The following NRXN3 variants were observed in gnomAD, a reference collection of about 807,000 sequenced individuals.
The protein encoded by NRXN3 is neurexin 3.
Under a neutral mutation model 137.6 loss-of-function variants are expected in NRXN3, and 32 were observed. The ratio of observed to expected loss-of-function variants is 0.23; its 90% CI spans 0.18 to 0.31. The LOEUF (loss-of-function observed/expected upper bound fraction) is 0.31. Among genes scored for constraint, NRXN3 ranks in the 10% least tolerant of loss-of-function variants. The pLI is 1.00. For missense variants in NRXN3, 1,574 were observed against 2,062.5 expected (o/e 0.76, Z 4.59); for synonymous variants, 798 against 784.5 (o/e 1.02, Z -0.29).
chr14:79,406,841 T>C (rs2095323841), intron 15 of NRXN3, among the ~76,000 whole-genome samples: 1 of 152,186 alleles, frequency 6.6e-6, no homozygotes, highest in African/African-American at 2.4e-5. Context: ...ATTTATGTTT[T>C]ATTTATAAGT....
chr14:79,837,290 A>AT (rs1218027317), intron 20 of NRXN3, among the ~76,000 whole-genome samples: 2 of 138,108 alleles, frequency 1.4e-5, no homozygotes, highest in Admixed American at 7.0e-5. Context: ...ACCTTAAGTC[A>AT]TTTTTTTTTA....
At chr14:78,397,963 G>A (rs760180298) in intron 4 of NRXN3, among the ~76,000 whole-genome samples, 11 of 150,262 alleles carry the variant, frequency 7.3e-5, no homozygotes, top group South Asian at 2.1e-4. Context: ...GCCTGTAATC[G>A]CAGCACTTTG....
intron 2 of NRXN3, among the ~76,000 whole-genome samples, chr14:78,260,698 C>G (rs1187845718): frequency 6.6e-6 from 1 of 152,158 alleles, no homozygotes; most frequent in Non-Finnish European, 1.5e-5. Context: ...GATCTCTTCT[C>G]TTGTCTGCTG....
At chr14:79,303,482 A>G (rs753837652) in intron 15 of NRXN3, among the ~76,000 whole-genome samples, 4 of 152,076 alleles carry the variant, frequency 2.6e-5, no homozygotes. Flanking sequence ...GGAATGGGGA[A>G]TGCCTTCTTT....
intron 8 of NRXN3, among the ~76,000 whole-genome samples, chr14:78,798,224 C>T (rs2098828023): frequency 6.6e-6 from 1 of 152,150 alleles, no homozygotes; most frequent in South Asian, 2.1e-4. Flanking sequence ...TAGTTACTTC[C>T]TAAATATATT....
At chr14:79,474,346 A>C (rs977564092) in intron 16 of NRXN3, among the ~76,000 whole-genome samples, 1 of 152,216 alleles carries the variant, frequency 6.6e-6, no homozygotes, top group African/African-American at 2.4e-5. Context: ...GGTGCTGTAG[A>C]GGTGATGACT....
intron 15 of NRXN3, chr14:79,314,189 C>T (rs1408967102): frequency 5.6e-5 from 8 of 143,628 alleles, no homozygotes; most frequent in African/African-American, 7.9e-5. Context: ...AGACAGTGGG[C>T]GCAGGCCAGT....
At chr14:78,940,514 A>G (rs1019197000) in intron 10 of NRXN3, among the ~76,000 whole-genome samples, 1 of 152,226 alleles carries the variant, frequency 6.6e-6, no homozygotes, top group East Asian at 1.9e-4. Context: ...GGATCAAAAT[A>G]TATTTCTCCT....
At chr14:78,775,887 T>C (rs1050224100) in intron 8 of NRXN3, among the ~76,000 whole-genome samples, 3 of 152,322 alleles carry the variant, frequency 2.0e-5, no homozygotes, top group East Asian at 1.9e-4. Flanking sequence ...AATAAACAAC[T>C]TATAAGTTTT....
intron 17 of NRXN3, among the ~76,000 whole-genome samples, chr14:79,688,446 G>A (rs748732007): frequency 6.6e-6 from 1 of 152,076 alleles, no homozygotes. Context: ...AAGTGTAAGC[G>A]CAGTGTTGTA....
chr14:79,037,884 G>GTTT (rs1568071968), intron 15 of NRXN3, among the ~76,000 whole-genome samples: 1 of 152,134 alleles, frequency 6.6e-6, no homozygotes, highest in African/African-American at 2.4e-5. Flanking sequence ...GGTACGGGCT[G>GTTT]TGGTGACAGG....
At chr14:78,583,295 A>G (rs1300477233) in intron 4 of NRXN3, among the ~76,000 whole-genome samples, 1 of 152,182 alleles carries the variant, frequency 6.6e-6, no homozygotes, top group Non-Finnish European at 1.5e-5. Context: ...CCACTAAAAT[A>G]TTAAATGTGA....
At chr14:79,036,498 CA>C (rs2099616229) in intron 15 of NRXN3, among the ~76,000 whole-genome samples, 2 of 148,658 alleles carry the variant, frequency 1.3e-5, no homozygotes, top group African/African-American at 5.0e-5. Flanking sequence ...GTGACAAAAA[CA>C]AAACAACAAC....
intron 15 of NRXN3, among the ~76,000 whole-genome samples, chr14:79,145,889 A>C (rs1226865723): frequency 1.3e-5 from 2 of 152,178 alleles, no homozygotes; most frequent in Non-Finnish European, 2.9e-5. Context: ...TCATGGTTCT[A>C]GTTACCTCTA....
At chr14:79,144,604 G>A (rs2059121230) in intron 15 of NRXN3, among the ~76,000 whole-genome samples, 1 of 152,062 alleles carries the variant, frequency 6.6e-6, no homozygotes, top group Non-Finnish European at 1.5e-5. Flanking sequence ...ATTAAGTTTT[G>A]GCCAGTGAAG....
intron 6 of NRXN3, among the ~76,000 whole-genome samples, chr14:78,693,321 T>C (rs2098191661): frequency 6.6e-6 from 1 of 151,916 alleles, no homozygotes; most frequent in Non-Finnish European, 1.5e-5. Flanking sequence ...CCACTACTGC[T>C]GTAGACCTGG....
intron 8 of NRXN3, among the ~76,000 whole-genome samples, chr14:78,719,649 C>T (rs8012832): frequency 0.33 from 49,704 of 151,916 alleles, 10,422 homozygotes; most frequent in African/African-American, 0.6. Flanking sequence ...CAAGACCAGC[C>T]TGTCCAACAT....
intron 15 of NRXN3, among the ~76,000 whole-genome samples, chr14:79,176,899 A>T (rs1338829558): frequency 6.6e-6 from 1 of 152,196 alleles, no homozygotes; most frequent in African/African-American, 2.4e-5. Context: ...TCATCACAGG[A>T]TCCCTATCAC....
At chr14:79,208,558 T>C (rs1055316305) in intron 15 of NRXN3, among the ~76,000 whole-genome samples, 2 of 152,350 alleles carry the variant, frequency 1.3e-5, no homozygotes, top group African/African-American at 4.8e-5. Flanking sequence ...TTTTATTTTC[T>C]ATGACTAAGT....
Sources: allele counts gnomAD v4.1 joint callset (sites outside exome capture counted in the v4.1 genomes callset), GRCh38; gene constraint gnomAD v4.1.1; transcripts MANE v1.5; gene names NCBI Gene and HGNC (gene_info 2026-07-23, HGNC 2026-07-21).